Variants in SH3BP5L observed in about 807,000 individuals in gnomAD.
SH3BP5L encodes the protein SH3 binding domain protein 5 like.
In SH3BP5L, 16 loss-of-function variants were observed where a neutral mutation model predicts 40.9. That is an observed-to-expected ratio of 0.39 (90% CI 0.27 to 0.59). SH3BP5L has a LOEUF of 0.59. SH3BP5L is among the 20% of genes least tolerant of loss of function. The probability of loss-of-function intolerance (pLI) is 0.53; values close to 1 mark genes in which losing one functional copy is unlikely to be tolerated. For synonymous variants in SH3BP5L, 229 were observed against 226.7 expected (o/e 1.01, Z -0.09); for missense variants, 471 against 544.6 (o/e 0.86, Z 1.35).
In SH3BP5L at chr1:248,812,877, G is replaced by A. The variant is rs112488583; in HGVS notation, c.711+112C>T. The A allele has an allele frequency of 4.3e-3, 4,073 of 940,704 alleles. 116 individuals are homozygous for A. The African/African-American group carries it at 0.062, about 14-fold the overall frequency. The allele number at this position is 940,704 out of a possible 1,614,324, so 58.3% of individuals were successfully genotyped here. The stretch of plus-strand genomic sequence containing the variant: ...CCACCACCCTTCCCCACCGCTAGCC[G>A]GAGGCCTCACCCTGGCCACCTCACC... On this transcript the variant is annotated intron_variant, in intron 6 of 6. Transcript: ENST00000366472. The surrounding 1 kb of genome is among the most constrained non-coding windows in gnomAD (Gnocchi z 6.1).
intron 2 of SH3BP5L, among the ~76,000 whole-genome samples, chr1:248,820,039 T>G (rs1254744911): frequency 1.3e-5 from 2 of 152,184 alleles, no homozygotes; most frequent in Non-Finnish European, 1.5e-5. Context: ...TATCCATACT[T>G]TTACTTTTTT....
At chr1:248,818,732 C>A (rs1486559724) in intron 2 of SH3BP5L, among the ~76,000 whole-genome samples, 3 of 152,208 alleles carry the variant, frequency 2.0e-5, no homozygotes, top group African/African-American at 7.2e-5. Context: ...CCTCCCTTGC[C>A]CGAGAAAACA....
At chr1:248,817,925 T>C (rs941038177) in intron 2 of SH3BP5L, among the ~76,000 whole-genome samples, 4 of 152,106 alleles carry the variant, frequency 2.6e-5, no homozygotes, top group African/African-American at 9.7e-5. Flanking sequence ...GGCAGACAAG[T>C]TGGCAGGTGA....
chr1:248,816,918 G>A (rs374736949), intron 2 of SH3BP5L, 34 bp from the exon 3 acceptor site: 4 of 1,613,696 alleles, frequency 2.5e-6, no homozygotes, highest in African/African-American at 1.3e-5. Context: ...TTAGTGCAGT[G>A]GAAGGAAGTA....
At chr1:248,822,602 A>G (rs558383245) in intron 2 of SH3BP5L, among the ~76,000 whole-genome samples, 1 of 152,320 alleles carries the variant, frequency 6.6e-6, no homozygotes, top group Admixed American at 6.5e-5. Context: ...CTCATCTGAT[A>G]GAAGAGTCAG....
chr1:248,820,548 A>G (rs1180111203), intron 2 of SH3BP5L: 1 of 152,210 alleles, frequency 6.6e-6, no homozygotes, highest in African/African-American at 2.4e-5. Flanking sequence ...AGAAACAACC[A>G]GGCGGAAAAT....
Position 248,822,135 on chromosome 1 carries a change from G to A in SH3BP5L, c.183+2618C>T, listed in dbSNP as rs1469312038. ...TGGATGGAAACCCAGTAAATGCACTGAGAATCCAGAGAAATGAACACCCAC... is the reference window on the plus strand; with the variant it reads ...TGGATGGAAACCCAGTAAATGCACTAAGAATCCAGAGAAATGAACACCCAC... On this transcript the variant is annotated intron_variant, in intron 2 of 6. Coordinates refer to ENST00000366472, the MANE Select transcript of SH3BP5L (RefSeq NM_030645.3). Among the ~76,000 whole-genome samples, 4 of 152,156 alleles carry A rather than the reference G, an allele frequency of 2.6e-5. No individual in the cohort carries two copies. In the East Asian group the frequency reaches 7.7e-4, roughly 29 times the overall value.
At chr1:248,814,046 C>T (rs890346769) in intron 5 of SH3BP5L, 1 of 198,806 alleles carries the variant, frequency 5.0e-6, no homozygotes, top group African/African-American at 2.4e-5. Context: ...GGAAATGATA[C>T]ATAAATTATA....
At chr1:248,820,604 C>G (rs1287297278) in intron 2 of SH3BP5L, 3 of 152,230 alleles carry the variant, frequency 2.0e-5, no homozygotes, top group African/African-American at 7.2e-5. Flanking sequence ...TTTGATCTCA[C>G]TTTCCTTCCA....
intron 4 of SH3BP5L, chr1:248,814,946 C>T (rs1359681825): frequency 2.5e-6 from 1 of 395,654 alleles, no homozygotes; most frequent in Non-Finnish European, 4.8e-6. Flanking sequence ...CAGAGTCTTA[C>T]AGAAAAGATG....
In SH3BP5L at chr1:248,816,670, G is replaced by A. The variant is rs772263184; in HGVS notation, c.247-8C>T. ...ATAGGTGGTCCTGGCCTCCTGGAAA[G>A]GAACAAGGCAGAGGAAAGGCACATG... On this transcript the variant is annotated splice_polypyrimidine_tract_variant and splice_region_variant and intron_variant, in intron 3 of 6. Coordinates refer to ENST00000366472, the MANE Select transcript of SH3BP5L (RefSeq NM_030645.3). The A allele has an allele frequency of 2.5e-6, 4 of 1,613,990 alleles. No individual in the cohort carries two copies. The East Asian group carries it at 8.9e-5, about 36-fold the overall frequency.
At position 248,813,243 on chromosome 1, in the gene SH3BP5L, G is replaced by A. The variant is rs572452753; in HGVS notation, c.538-81C>T. On this transcript the variant is annotated intron_variant, in intron 5 of 6. Coordinates refer to ENST00000366472, the MANE Select transcript of SH3BP5L (RefSeq NM_030645.3). Reference sequence around the variant, plus strand: ...GCCCCAGGCTGCCAATCTGAACAACGCCCTGGGGGGAACCCAAACAGGAAC... The same window carrying A: ...GCCCCAGGCTGCCAATCTGAACAACACCCTGGGGGGAACCCAAACAGGAAC... 252 of 1,383,306 alleles carry A rather than the reference G, an allele frequency of 1.8e-4. 3 individuals carry two copies. In the South Asian group the frequency reaches 3.7e-3, roughly 20 times the overall value. The allele number at this position is 1,383,306 out of a possible 1,614,324, so 85.7% of individuals were successfully genotyped here. A position where few individuals can be genotyped will look rare whatever the true frequency, so the allele number is the denominator to read the frequency against.
Position 248,812,965 on chromosome 1 carries a change from C to A in SH3BP5L, c.711+24G>T. Reference sequence around the variant, plus strand: ...CCTGCACCCCCACCTACCCATTCCTCCTCCCCCTCACCCACTCAGCTACCT... The same window carrying A: ...CCTGCACCCCCACCTACCCATTCCTACTCCCCCTCACCCACTCAGCTACCT... On this transcript the variant is annotated intron_variant, in intron 6 of 6. Transcript: ENST00000366472. The surrounding 1 kb of genome is among the most constrained non-coding windows in gnomAD (Gnocchi z 6.1). 1 of 1,550,110 alleles carries A rather than the reference C, an allele frequency of 6.5e-7. No individual in the cohort carries two copies. Among genetic ancestry groups the A allele is most frequent in the Non-Finnish European group, 8.8e-7 (1 of 1,141,016 alleles).
chr1:248,816,474 G>A, intron 4 of SH3BP5L, 60 bp downstream of exon 4: 1 of 1,607,640 alleles, frequency 6.2e-7, no homozygotes, highest in East Asian at 2.2e-5. Flanking sequence ...TATAGAGACA[G>A]AAGAATCCAG....
At chr1:248,816,493 T>C in intron 4 of SH3BP5L, 41 bp downstream of exon 4, 2 of 1,612,426 alleles carry the variant, frequency 1.2e-6, no homozygotes, top group South Asian at 2.2e-5. Flanking sequence ...AGGGCCAGGC[T>C]CAGCACGTAG....
Position 248,812,397 on chromosome 1 carries a change from G to A in SH3BP5L, c.712-27C>T, listed in dbSNP as rs1434006857. 3 of 1,570,810 alleles carry A rather than the reference G, an allele frequency of 1.9e-6. No homozygotes were observed. Among genetic ancestry groups the A allele is most frequent in the Non-Finnish European group, 2.6e-6 (3 of 1,154,390 alleles). ...TGCAGAGGGCAGAGCAGAGCAAGGC[G>A]ACCCATGGGGCACGTCTCCACCTTC... On this transcript the variant is annotated intron_variant, in intron 6 of 6. Transcript: ENST00000366472. The surrounding 1 kb of genome is among the most constrained non-coding windows in gnomAD (Gnocchi z 6.1).
At chr1:248,813,379 C>T (rs867694796) in intron 5 of SH3BP5L, 6 of 428,770 alleles carry the variant, frequency 1.4e-5, no homozygotes, top group Middle Eastern at 5.9e-4. Flanking sequence ...GCTGCCTGAC[C>T]GTCGAGGACC....
rs1307988518 is a variant in SH3BP5L at position 248,811,906 on chromosome 1, G to A, written c.1176C>T (p.Ser392=). Residue 392 remains serine (S), a synonymous_variant, in exon 7 of 7, where the codon AGC becomes AGT. Transcript: ENST00000366472. The part of the protein sequence containing the change: ...ARGGRHQRSV[S]L The stretch of plus-strand genomic sequence containing the variant: ...AGGAACCCTGGCCCCTCGGCTACAG[G>A]CTGACGCTGCGCTGGTGCCGACCCC... 2.0e-6 allele frequency: 3 copies of A among 1,527,084 alleles called. No homozygotes were observed. The highest frequency in any genetic ancestry group is 4.9e-5 in the East Asian group (2 of 40,648). 94.6% of individuals were successfully genotyped at this position (1,527,084 alleles called of 1,614,324 possible). A position where few individuals can be genotyped will look rare whatever the true frequency, so the allele number is the denominator to read the frequency against.
At chr1:248,813,399 G>A in intron 5 of SH3BP5L, 1 of 409,680 alleles carries the variant, frequency 2.4e-6, no homozygotes. Flanking sequence ...CACATCACAG[G>A]CACATGCCTC....
Sources: gnomAD v4.1 joint callset for allele counts (sites outside exome capture counted in the v4.1 genomes callset) on GRCh38, gnomAD v4.1.1 for gene constraint, Gnocchi (gnomAD v3.1) non-coding constraint, MANE v1.5 for transcripts, NCBI Gene and HGNC (gene_info 2026-07-23, HGNC 2026-07-21) for gene names.